The following GATA5 variants were observed in gnomAD, a reference collection of about 807,000 sequenced individuals.
GATA5 encodes transcription factor GATA-5.
A neutral mutation model predicts 35.0 loss-of-function variants in GATA5; 27 were observed. The observed-to-expected ratio is 0.77, with a 90% CI of 0.57 to 1.06. The LOEUF is 1.06. GATA5 is among the 50% of genes least tolerant of loss of function. GATA5 has a pLI of 0.00. For synonymous variants in GATA5, 306 were observed against 267.8 expected (o/e 1.14, Z -1.39); for missense variants, 612 against 580.0 (o/e 1.06, Z -0.57).
intron 3 of GATA5, among the ~76,000 whole-genome samples, chr20:62,472,894 C>G (rs73149282): frequency 0.21 from 32,124 of 152,130 alleles, 3,585 homozygotes; most frequent in East Asian, 0.35. Flanking sequence ...AAGTGCTCCC[C>G]GAGGGGACTA....
intron 2 of GATA5, among the ~76,000 whole-genome samples, chr20:62,474,118 A>G (rs1482085719): frequency 6.6e-6 from 1 of 152,234 alleles, no homozygotes; most frequent in Admixed American, 6.5e-5. Flanking sequence ...GCCTTCTGTC[A>G]GCTTGGCTGT....
rs73149266 is a variant in GATA5, at chr20:62,466,178, G to T, written c.825+248C>A. Among the ~76,000 whole-genome samples, 509 of 152,356 alleles carry T rather than the reference G, an allele frequency of 3.3e-3. 1 individual carries two copies. The highest frequency in any genetic ancestry group is 4.4e-3 in the Admixed American group (67 of 15,314). On this transcript the variant is annotated intron_variant, in intron 4 of 6. Transcript: ENST00000252997. ...CCCAGAGGGCAGGAGCAGTGTCCTT[G>T]TCTGGCCCAGGCCGAATGGCTGTGG... is the stretch of plus-strand genomic sequence containing the variant.
chr20:62,465,300 GC>G, intron 6 of GATA5, 39 bp downstream of exon 6: 1 of 1,557,952 alleles, frequency 6.4e-7, no homozygotes, highest in African/African-American at 1.4e-5. Flanking sequence ...AAGCACAGGG[GC>G]CCCAGCTCTG....
rs782544790 is a variant in GATA5 at position 62,464,968 on chromosome 20, A to G, written c.1062T>C (p.Ser354=). The change falls in exon 7 of 7, where the codon TCT becomes TCC. Residue 354 remains serine, a synonymous_variant. Transcript: ENST00000252997. ...TGAACTCCAAGTGGCCGGGGGCAAG[A>G]GAGTCATCCTCCTGGCCAGAGGCCT... ...APQASGQEDD[S]LAPGHLEFKF... The G allele has an allele frequency of 1.4e-6, 2 of 1,462,828 alleles. No individual in the cohort carries two copies. Among genetic ancestry groups the G allele is most frequent in the Non-Finnish European group, 1.8e-6 (2 of 1,086,956 alleles). The allele number at this position is 1,462,828 out of a possible 1,614,324, so 90.6% of individuals were successfully genotyped here. A position where few individuals can be genotyped will look rare whatever the true frequency, so the allele number is the denominator to read the frequency against.
rs1414804732 is a variant in GATA5 at position 62,464,596 on chromosome 20, AGTCCCTTGCTGTAC to A, written c.*226_*239del. 3.4e-5 allele frequency: 14 copies of A among 408,220 alleles called. No individual in the cohort carries two copies. Among genetic ancestry groups the A allele is most frequent in the African/African-American group, 2.9e-4 (14 of 47,948 alleles). 25.3% of individuals were successfully genotyped at this position (408,220 alleles called of 1,614,324 possible). On this transcript the variant is annotated 3_prime_UTR_variant, in exon 7 of 7. Coordinates refer to ENST00000252997, the MANE Select transcript of GATA5 (RefSeq NM_080473.5). ...CCGGAGCCTTGGGCCGCACCTGGGG[AGTCCCTTGCTGTAC>A]GTGGGGTGGGAAGCTGAGCCCTTCC...
Position 62,464,718 on chromosome 20 carries a change from C to T in GATA5, c.*118G>A, listed in dbSNP as rs1601513469. The T allele has an allele frequency of 1.1e-6, 1 of 900,920 alleles. No individual in the cohort carries two copies. The highest frequency in any genetic ancestry group is 1.8e-5 in the South Asian group (1 of 54,416). 55.8% of individuals were successfully genotyped at this position (900,920 alleles called of 1,614,324 possible). A position where few individuals can be genotyped will look rare whatever the true frequency, so the allele number is the denominator to read the frequency against. On this transcript the variant is annotated 3_prime_UTR_variant, in exon 7 of 7. Coordinates refer to ENST00000252997, the MANE Select transcript of GATA5 (RefSeq NM_080473.5). ...CACTGTGTGGAGACTCCAGCAGACC[C>T]AGTCTCTGGGTTGGGGGGCCTGCTG...
At chr20:62,473,371 C>A (rs373453165) in intron 3 of GATA5, 32 bp downstream of exon 3, 60 of 1,581,826 alleles carry the variant, frequency 3.8e-5, no homozygotes, top group Non-Finnish European at 5.1e-5. Flanking sequence ...GAGCACTGCG[C>A]CCAGGCGCCC....
intron 3 of GATA5, among the ~76,000 whole-genome samples, chr20:62,471,298 G>A (rs1989713346): frequency 6.6e-6 from 1 of 152,128 alleles, no homozygotes; most frequent in African/African-American, 2.4e-5. Flanking sequence ...CTTTGCATGG[G>A]TGAGGGTGAA....
In GATA5 at chr20:62,470,328, C is replaced by T. The variant is rs1989692523; in HGVS notation, c.699+3075G>A. ...TCACAGTGACCCGCAGTGCAGCAGC[C>T]TCCTCTGAGATGGAAGACTGGGCCG... On this transcript the variant is annotated intron_variant, in intron 3 of 6. Transcript: ENST00000252997. The surrounding 1 kb of genome is among the most constrained non-coding windows in gnomAD (Gnocchi z 4.6). Among the ~76,000 whole-genome samples the T allele has an allele frequency of 6.6e-6, 1 of 152,232 alleles. No homozygotes were observed. Among genetic ancestry groups the T allele is most frequent in the Non-Finnish European group, 1.5e-5 (1 of 68,044 alleles).
intron 3 of GATA5, among the ~76,000 whole-genome samples, chr20:62,469,442 G>T (rs546731880): frequency 6.6e-6 from 1 of 152,182 alleles, no homozygotes; most frequent in Non-Finnish European, 1.5e-5. Flanking sequence ...GTCTGGGACC[G>T]GCCATCACCC....
At position 62,465,257 on chromosome 20, in the gene GATA5, G is replaced by T. The variant is rs6421437; in HGVS notation, c.1038+83C>A. 0.37 allele frequency: 524,957 copies of T among 1,411,222 alleles called. 98,945 individuals are homozygous for T. Among genetic ancestry groups the T allele is most frequent in the East Asian group, 0.48 (19,791 of 41,600 alleles). 87.4% of individuals were successfully genotyped at this position (1,411,222 alleles called of 1,614,324 possible). ...CAGCCCACCTGCTGGAAGAGGCTCCGAGGGGCTCTGATGGGATCTGACTTG... is the reference window on the plus strand; with the variant it reads ...CAGCCCACCTGCTGGAAGAGGCTCCTAGGGGCTCTGATGGGATCTGACTTG... On this transcript the variant is annotated intron_variant, in intron 6 of 6. Transcript: ENST00000252997.
chr20:62,472,894 C>T (rs73149282), intron 3 of GATA5, among the ~76,000 whole-genome samples: 7 of 152,072 alleles, frequency 4.6e-5, no homozygotes, highest in African/African-American at 9.7e-5. Flanking sequence ...AAGTGCTCCC[C>T]GAGGGGACTA....
intron 6 of GATA5, 106 bp downstream of exon 6, chr20:62,465,234 G>A: frequency 8.0e-7 from 1 of 1,251,888 alleles, no homozygotes; most frequent in Admixed American, 2.6e-5. Context: ...GGTGTGTCCA[G>A]CCCACCTGCT....
chr20:62,465,663 C>T (rs1555895988), intron 5 of GATA5, among the ~76,000 whole-genome samples, 171 bp downstream of exon 5: 1 of 152,028 alleles, frequency 6.6e-6, no homozygotes, highest in African/African-American at 2.4e-5. Flanking sequence ...GCTGTCACCA[C>T]CCTGGCACCC....
rs1166065215 is a variant in GATA5, at chr20:62,470,801, C to A, written c.699+2602G>T. On this transcript the variant is annotated intron_variant, in intron 3 of 6. Transcript: ENST00000252997. The surrounding 1 kb of genome is among the most constrained non-coding windows in gnomAD (Gnocchi z 4.6). ...CTCCCAACCGTGTCCGAGCACAGAG[C>A]CAGACCATGGGGAGAGGGCACGGTG... is the stretch of plus-strand genomic sequence containing the variant. Among the ~76,000 whole-genome samples the A allele has an allele frequency of 2.6e-5, 4 of 152,094 alleles. No individual in the cohort carries two copies. Among genetic ancestry groups the A allele is most frequent in the African/African-American group, 7.2e-5 (3 of 41,392 alleles).
In GATA5 at chr20:62,473,526, G is replaced by A. The variant is rs201106575; in HGVS notation, c.576C>T (p.Cys192=). The change falls in exon 3 of 7, where the codon TGC becomes TGT. Residue 192 remains cysteine (C), a synonymous_variant. Coordinates refer to ENST00000252997, the MANE Select transcript of GATA5 (RefSeq NM_080473.5). The part of the protein sequence containing the change: ...FPGEGRECVN[C]GALSTPLWRR... ...GCCACAGCGGTGTGGACAGGGCCCC[G>A]CAGTTGACACACTCACGACCCTCAC... is the stretch of plus-strand genomic sequence containing the variant. 8.1e-6 allele frequency: 13 copies of A among 1,607,286 alleles called. No individual in the cohort carries two copies. The African/African-American group carries it at 1.3e-4, about 16-fold the overall frequency.
At chr20:62,467,989 C>T (rs1353131818) in intron 3 of GATA5, among the ~76,000 whole-genome samples, 6 of 149,306 alleles carry the variant, frequency 4.0e-5, no homozygotes, top group African/African-American at 1.0e-4. Flanking sequence ...CAGCCAGCCT[C>T]GGCTTCCCCG....
intron 3 of GATA5, among the ~76,000 whole-genome samples, chr20:62,471,807 T>C (rs1401035657): frequency 6.6e-6 from 1 of 151,380 alleles, no homozygotes; most frequent in Non-Finnish European, 1.5e-5. Context: ...TAGCTTACTA[T>C]ACCCTTGAAC....
At chr20:62,474,416 C>A (rs1430447054) in intron 2 of GATA5, among the ~76,000 whole-genome samples, 1 of 152,230 alleles carries the variant, frequency 6.6e-6, no homozygotes, top group Non-Finnish European at 1.5e-5. Flanking sequence ...GGCGGGGTCC[C>A]AAAGGCAGCT....
Sources: gnomAD v4.1 joint callset for allele counts (sites outside exome capture counted in the v4.1 genomes callset) on GRCh38, gnomAD v4.1.1 for gene constraint, Gnocchi (gnomAD v3.1) non-coding constraint, MANE v1.5 for transcripts, NCBI Gene and HGNC (gene_info 2026-07-23, HGNC 2026-07-21) for gene names.